TPCN2: variants seen among roughly 807,000 people sequenced by gnomAD.
TPCN2 encodes the protein two pore channel protein 2.
Under a neutral mutation model 111.4 loss-of-function variants are expected in TPCN2, and 92 were observed. The ratio of observed to expected loss-of-function variants is 0.83; its 90% CI spans 0.70 to 0.98. TPCN2 has a LOEUF of 0.98. TPCN2 is among the 50% of genes least tolerant of loss of function. The pLI is 0.00. For synonymous variants in TPCN2, 405 were observed against 414.5 expected (o/e 0.98, Z 0.28); for missense variants, 995 against 980.1 (o/e 1.02, Z -0.20).
At chr11:69,078,695 G>C (rs1855890786) in intron 14 of TPCN2, 39 bp from the exon 15 acceptor site, 4 of 1,613,406 alleles carry the variant, frequency 2.5e-6, no homozygotes, top group African/African-American at 1.3e-5. Flanking sequence ...CCAGCGCTGT[G>C]CTGGGCCAGC....
intron 13 of TPCN2, among the ~76,000 whole-genome samples, chr11:69,073,743 T>C (rs1466234338): frequency 6.6e-6 from 1 of 152,104 alleles, no homozygotes; most frequent in African/African-American, 2.4e-5. Context: ...GGTGCTGTTC[T>C]TTCCCCATGT....
intron 7 of TPCN2, among the ~76,000 whole-genome samples, chr11:69,067,290 T>A (rs907983927): frequency 6.6e-6 from 1 of 152,244 alleles, no homozygotes; most frequent in Non-Finnish European, 1.5e-5. Context: ...ACCGTGTCCA[T>A]GCGGGTGAGC....
At chr11:69,079,226 C>T in intron 16 of TPCN2, 6 of 641,700 alleles carry the variant, frequency 9.4e-6, no homozygotes, top group Admixed American at 3.3e-5. Flanking sequence ...TGGGTTTCTA[C>T]TGCATCCGAG....
chr11:69,074,399 T>C (rs1294908068), intron 13 of TPCN2, among the ~76,000 whole-genome samples: 1 of 152,262 alleles, frequency 6.6e-6, no homozygotes, highest in African/African-American at 2.4e-5. Context: ...ATCAAACCTC[T>C]GTTTGGGACA....
At position 69,071,941 on chromosome 11, in the gene TPCN2, C is replaced by CTG. The variant is rs967121862; in HGVS notation, c.981_982dup (p.Phe328CysfsTer31). 6.2e-7 allele frequency: 1 copy of CTG among 1,614,022 alleles called. No individual in the cohort carries two copies. The highest frequency in any genetic ancestry group is 1.7e-5 in the Admixed American group (1 of 60,010). Reference sequence around the variant, plus strand: ...TTTGCAGAAATCTCTCCAGACCTCGCTGTTTCGGAGGCGGCTGGGAACCCG... The same window carrying CTG: ...TTTGCAGAAATCTCTCCAGACCTCGCTGTGTTTCGGAGGCGGCTGGGAACCCG... On this transcript the variant is annotated frameshift_variant, in exon 11 of 25. Transcript: ENST00000294309. LOFTEE classifies it high-confidence loss of function.
chr11:69,067,666 T>G, intron 8 of TPCN2, 61 bp downstream of exon 8: 4 of 1,536,142 alleles, frequency 2.6e-6, no homozygotes, highest in Non-Finnish European at 3.6e-6. Context: ...GGGGGCCGGT[T>G]TGGGCTGCTG....
chr11:69,049,954 C>T (rs988117025), intron 1 of TPCN2, among the ~76,000 whole-genome samples: 1 of 152,198 alleles, frequency 6.6e-6, no homozygotes, highest in Non-Finnish European at 1.5e-5. Context: ...TGTTCTGGTG[C>T]GGCTGCTGCT....
Position 69,088,895 on chromosome 11 carries a change from G to A in TPCN2, c.*942G>A, listed in dbSNP as rs577661448. 6.6e-6 allele frequency: 1 copy of A among 152,250 alleles called. No individual in the cohort carries two copies. The highest frequency in any genetic ancestry group is 2.4e-5 in the African/African-American group (1 of 41,544). The allele number at this position is 152,250 out of a possible 1,614,324, so 9.4% of individuals were successfully genotyped here. On this transcript the variant is annotated 3_prime_UTR_variant, in exon 25 of 25. Coordinates refer to ENST00000294309, the MANE Select transcript of TPCN2 (RefSeq NM_139075.4). ...GCCATCTAGTGGTGGGATGGGACTT[G>A]GTTGACTACATTTAAGGTAAGGTGG... is the stretch of plus-strand genomic sequence containing the variant.
intron 18 of TPCN2, among the ~76,000 whole-genome samples, chr11:69,082,375 C>CGTAT (rs1468438679): frequency 6.6e-5 from 10 of 152,256 alleles, no homozygotes; most frequent in Admixed American, 3.3e-4. Flanking sequence ...CACACATATA[C>CGTAT]AATCATGTTT....
At chr11:69,051,161 G>A (rs1484679267) in intron 1 of TPCN2, among the ~76,000 whole-genome samples, 2 of 152,274 alleles carry the variant, frequency 1.3e-5, no homozygotes, top group African/African-American at 4.8e-5. Flanking sequence ...GGCTGCTGCT[G>A]TGGGTGCCCC....
chr11:69,078,549 ACTT>A lies in TPCN2; in HGVS notation c.1299_1301del (p.Phe434del), dbSNP rs762785777. ...GCCCAGTTCCTCTTCGGCCACTACT[ACTT>A]TGACTACCTGGGGAACCTCATCGCC... On this transcript the variant is annotated inframe_deletion, in exon 14 of 25. Coordinates refer to ENST00000294309, the MANE Select transcript of TPCN2 (RefSeq NM_139075.4). 12 of 1,613,856 alleles carry A rather than the reference ACTT, an allele frequency of 7.4e-6. No homozygotes were observed. The South Asian group carries it at 1.2e-4, about 16-fold the overall frequency.
At chr11:69,064,069 G>T (rs572573445) in intron 7 of TPCN2, 102 bp downstream of exon 7, 17 of 1,175,508 alleles carry the variant, frequency 1.4e-5, no homozygotes, top group Non-Finnish European at 2.1e-5. Context: ...ACCCATGTGC[G>T]GACTCTGTCC....
Position 69,077,899 on chromosome 11 carries a change from G to A in TPCN2, c.1231-583G>A, listed in dbSNP as rs111864265. Among the ~76,000 whole-genome samples the A allele has an allele frequency of 5.3e-5, 8 of 152,240 alleles. No individual in the cohort carries two copies. The South Asian group carries it at 6.2e-4, about 12-fold the overall frequency. On this transcript the variant is annotated intron_variant, in intron 13 of 24. Coordinates refer to ENST00000294309, the MANE Select transcript of TPCN2 (RefSeq NM_139075.4). ...TAGCCGCCGGTGGTCAGTGGCTCCC[G>A]TGTGGGACAGCGGGTGCAGGTCTCC... is the stretch of plus-strand genomic sequence containing the variant.
chr11:69,054,155 T>A, intron 2 of TPCN2, 58 bp downstream of exon 2: 2 of 1,486,524 alleles, frequency 1.3e-6, no homozygotes, highest in Non-Finnish European at 1.9e-6. Context: ...TCCGATTGGC[T>A]CGCCCCTCCA....
At chr11:69,084,972 A>C in intron 19 of TPCN2, 1 of 322,606 alleles carries the variant, frequency 3.1e-6, no homozygotes, top group Non-Finnish European at 4.5e-6. Flanking sequence ...CAGGGCCCTA[A>C]TTCCCTTAGG....
intron 1 of TPCN2, among the ~76,000 whole-genome samples, chr11:69,049,641 A>G (rs969522205): frequency 3.3e-5 from 5 of 151,886 alleles, no homozygotes; most frequent in African/African-American, 1.2e-4. Flanking sequence ...CTTTCTTTGT[A>G]GGGTGCCTTT....
At position 69,071,806 on chromosome 11, in the gene TPCN2, GC is replaced by G. The variant is rs990014297; in HGVS notation, c.961-108del. 479 of 851,246 alleles carry G rather than the reference GC, an allele frequency of 5.6e-4. 1 individual carries two copies. The highest frequency in any genetic ancestry group is 8.2e-4 in the South Asian group (48 of 58,692). 52.7% of individuals were successfully genotyped at this position (851,246 alleles called of 1,614,324 possible). On this transcript the variant is annotated intron_variant, in intron 10 of 24. Coordinates refer to ENST00000294309, the MANE Select transcript of TPCN2 (RefSeq NM_139075.4). ...CTGCCCCCAGGCTGTGGGGAACTGG[GC>G]CCCCCCCCAAGGCTGCCCAGACTCC...
Position 69,085,832 on chromosome 11 carries a change from G to T in TPCN2, c.1921-16G>T, listed in dbSNP as rs766127455. The T allele has an allele frequency of 6.2e-7, 1 of 1,614,096 alleles. No homozygotes were observed. The highest frequency in any genetic ancestry group is 1.1e-5 in the South Asian group (1 of 91,084). The stretch of plus-strand genomic sequence containing the variant: ...CCTCCTGGGCCCTCCTGGACCGCTG[G>T]TCTCTGCCCCCGCAGGCTGCCCTGG... On this transcript the variant is annotated splice_polypyrimidine_tract_variant and intron_variant, in intron 21 of 24. Transcript: ENST00000294309.
chr11:69,085,247 T>C lies in TPCN2; in HGVS notation c.1799T>C (p.Leu600Ser), dbSNP rs754441458. The C allele has an allele frequency of 4.5e-5, 72 of 1,613,362 alleles. No homozygotes were observed. The highest frequency in any genetic ancestry group is 5.8e-5 in the Non-Finnish European group (68 of 1,179,800). The change falls in exon 20 of 25, where the codon TTG (leucine) becomes TCG (serine). Residue 600 changes from leucine to serine, a missense_variant. Physicochemically the swap from Leu to Ser is moderately radical, Grantham distance 145 (BLOSUM62 -2). Coordinates refer to ENST00000294309, the MANE Select transcript of TPCN2 (RefSeq NM_139075.4). ...YYVFAIIGINLFRGVIVALPG... is the reference protein window; with the variant it reads ...YYVFAIIGINSFRGVIVALPG... ...GTATTTGCCATCATTGGGATCAACT[T>C]GTTTAGAGGCGTCATTGTGGCTCTT...
Sources: gnomAD v4.1 joint callset for allele counts (sites outside exome capture counted in the v4.1 genomes callset) on GRCh38, gnomAD v4.1.1 for gene constraint, MANE v1.5 for transcripts, NCBI Gene and HGNC (gene_info 2026-07-23, HGNC 2026-07-21) for gene names.